CAST: variants seen among roughly 807,000 people sequenced by gnomAD.
CAST encodes calpastatin.
In CAST, 76 loss-of-function variants were observed where a neutral mutation model predicts 119.6. The observed-to-expected ratio is 0.64, with a 90% CI of 0.53 to 0.77. The LOEUF is 0.77. Among genes scored for constraint, CAST ranks in the 30% least tolerant of loss-of-function variants. CAST has a pLI of 0.00. For missense variants in CAST, 953 were observed against 946.5 expected, an observed-to-expected ratio of 1.01 and a Z score of -0.09; for synonymous variants, 319 against 331.6, an observed-to-expected ratio of 0.96 and a Z score of 0.41.
intron 1 of CAST, among the ~76,000 whole-genome samples, chr5:96,602,737 G>C (rs527812604): frequency 6.6e-6 from 1 of 152,322 alleles, no homozygotes; most frequent in African/African-American, 2.4e-5. Context: ...CAACAAGAGT[G>C]AAACACTGTC....
chr5:96,452,508 T>C, the CAST span, among the ~76,000 whole-genome samples: 1 of 150,978 alleles, frequency 6.6e-6, no homozygotes, highest in Non-Finnish European at 1.5e-5. Context: ...AGGAGGCCAG[T>C]GGAGAGATAG....
the CAST span, among the ~76,000 whole-genome samples, chr5:96,043,637 A>G: frequency 6.6e-6 from 1 of 152,232 alleles, no homozygotes; most frequent in African/African-American, 2.4e-5. Context: ...ATCTAGAGGT[A>G]AGAAAAGAGG....
At chr5:96,311,218 C>A in the CAST span, among the ~76,000 whole-genome samples, 3 of 151,950 alleles carry the variant, frequency 2.0e-5, no homozygotes, top group Admixed American at 2.0e-4. Flanking sequence ...TGTTTCATTT[C>A]ATATATTAAT....
chr5:96,066,831 CA>C, the CAST span, among the ~76,000 whole-genome samples: 1 of 151,552 alleles, frequency 6.6e-6, no homozygotes, highest in Non-Finnish European at 1.5e-5. Context: ...GGCAAGTTAA[CA>C]AAATTTTTTT....
the CAST span, among the ~76,000 whole-genome samples, chr5:96,475,294 C>T: frequency 6.6e-6 from 1 of 152,164 alleles, no homozygotes; most frequent in Non-Finnish European, 1.5e-5. Flanking sequence ...GCATCTTCAT[C>T]GAAAATGAAT....
rs529696363 is a variant in CAST, at chr5:96,580,422, T to C, written c.60+50542T>C. Among the ~76,000 whole-genome samples the C allele has an allele frequency of 6.9e-4, 105 of 152,364 alleles. 1 individual carries two copies. Among genetic ancestry groups the C allele is most frequent in the Middle Eastern group, 6.8e-3 (2 of 294 alleles). On this transcript the variant is annotated intron_variant, in intron 1 of 11. Coordinates refer to the CAST transcript ENST00000505143. Reference sequence around the variant, plus strand: ...AAAACCAAATAGAGAACTTCGTTACTATGATCTACAAAACTTTAGTAATCT... The same window carrying C: ...AAAACCAAATAGAGAACTTCGTTACCATGATCTACAAAACTTTAGTAATCT...
chr5:96,431,112 C>T, the CAST span, among the ~76,000 whole-genome samples: 1 of 152,150 alleles, frequency 6.6e-6, no homozygotes, highest in African/African-American at 2.4e-5. Context: ...GTGTCCACCC[C>T]CATAGGTCAT....
At chr5:96,587,624 T>C (rs1217976728) in intron 1 of CAST, among the ~76,000 whole-genome samples, 1 of 152,188 alleles carries the variant, frequency 6.6e-6, no homozygotes, top group Non-Finnish European at 1.5e-5. Flanking sequence ...ATAAGAATAC[T>C]GAACATACTT....
At chr5:96,412,759 T>TTC in the CAST span, among the ~76,000 whole-genome samples, 1 of 143,612 alleles carries the variant, frequency 7.0e-6, no homozygotes, top group East Asian at 2.0e-4. Flanking sequence ...GATGTTTTTT[T>TTC]TTTTTTTTTT....
At chr5:96,241,797 T>C in the CAST span, among the ~76,000 whole-genome samples, 2 of 151,268 alleles carry the variant, frequency 1.3e-5, no homozygotes, top group Admixed American at 6.6e-5. Flanking sequence ...TTTTGATTTG[T>C]ATTTCTCTGA....
chr5:96,591,017 A>T (rs1746953465), intron 1 of CAST, among the ~76,000 whole-genome samples: 1 of 152,192 alleles, frequency 6.6e-6, no homozygotes, highest in Non-Finnish European at 1.5e-5. Flanking sequence ...CATAGTGAGA[A>T]AACTTCCAGT....
intron 1 of CAST, among the ~76,000 whole-genome samples, chr5:96,617,646 G>A (rs1292130674): frequency 1.3e-5 from 2 of 151,622 alleles, no homozygotes; most frequent in African/African-American, 4.8e-5. Context: ...AAAAAAATTA[G>A]CCAGGCATGG....
intron 1 of CAST, among the ~76,000 whole-genome samples, chr5:96,603,075 A>G (rs1747185360): frequency 6.6e-6 from 1 of 152,250 alleles, no homozygotes; most frequent in Non-Finnish European, 1.5e-5. Flanking sequence ...ATTGCCTTCC[A>G]AGGTTTAAAT....
chr5:96,084,768 A>T, the CAST span, among the ~76,000 whole-genome samples: 8 of 152,204 alleles, frequency 5.3e-5, no homozygotes, highest in Non-Finnish European at 1.2e-4. Context: ...AGGAATCTGA[A>T]TGACCTAGCT....
chr5:96,633,270 C>T (rs553611840), intron 1 of CAST, among the ~76,000 whole-genome samples: 2 of 152,270 alleles, frequency 1.3e-5, no homozygotes, highest in African/African-American at 4.8e-5. Flanking sequence ...AGCCACTGCT[C>T]CTGGCCATTC....
chr5:96,237,109 C>G, the CAST span, among the ~76,000 whole-genome samples: 4 of 152,150 alleles, frequency 2.6e-5, no homozygotes, highest in Non-Finnish European at 4.4e-5. Context: ...AGTCATCTCC[C>G]CTTCAGTGAC....
At chr5:96,680,162 G>A (rs964494812) in intron 2 of CAST, among the ~76,000 whole-genome samples, 21 of 150,938 alleles carry the variant, frequency 1.4e-4, no homozygotes, top group African/African-American at 3.9e-4. Flanking sequence ...CAGCCTGGCC[G>A]ATATGGTGAA....
At chr5:96,382,442 C>A in the CAST span, among the ~76,000 whole-genome samples, 1 of 152,190 alleles carries the variant, frequency 6.6e-6, no homozygotes, top group African/African-American at 2.4e-5. Context: ...CCCAGTGGAT[C>A]CTCCCTGGGC....
At chr5:96,505,043 A>G in the CAST span, among the ~76,000 whole-genome samples, 5 of 152,190 alleles carry the variant, frequency 3.3e-5, no homozygotes, top group South Asian at 2.1e-4. Context: ...GTTTTTGACT[A>G]TAGTGTCTCT....
Sources: gnomAD v4.1 joint callset for allele counts (sites outside exome capture counted in the v4.1 genomes callset) on GRCh38, gnomAD v4.1.1 for gene constraint, MANE v1.5 for transcripts, NCBI Gene and HGNC (gene_info 2026-07-23, HGNC 2026-07-21) for gene names.